The following ZDHHC2 variants were observed in gnomAD, a reference collection of about 807,000 sequenced individuals.
ZDHHC2 encodes the protein zDHHC palmitoyltransferase 2, also known as palmitoyltransferase ZDHHC2.
A neutral mutation model predicts 55.6 loss-of-function variants in ZDHHC2; 51 were observed. The observed-to-expected ratio is 0.92, with a 90% CI of 0.73 to 1.16. ZDHHC2 has a LOEUF of 1.16. Ranked by LOEUF, ZDHHC2 falls within the 50% of genes most tolerant of loss-of-function variation. The pLI is 0.00. For synonymous variants in ZDHHC2, 199 were observed against 152.9 expected (o/e 1.30, Z -2.22); for missense variants, 491 against 442.4 (o/e 1.11, Z -0.99).
chr8:17,181,058 C>G (rs1205675903), intron 1 of ZDHHC2, among the ~76,000 whole-genome samples: 3 of 152,184 alleles, frequency 2.0e-5, no homozygotes, highest in Non-Finnish European at 2.9e-5. Context: ...GAAGAGATTA[C>G]TTTCGCTTTT....
At chr8:17,177,112 T>G (rs1415218664) in intron 1 of ZDHHC2, among the ~76,000 whole-genome samples, 1 of 152,174 alleles carries the variant, frequency 6.6e-6, no homozygotes, top group Non-Finnish European at 1.5e-5. Flanking sequence ...CCTGGCCAAT[T>G]TTGTCAAAGA....
intron 1 of ZDHHC2, among the ~76,000 whole-genome samples, chr8:17,172,329 G>C (rs980423796): frequency 2.6e-5 from 4 of 152,186 alleles, no homozygotes; most frequent in African/African-American, 9.6e-5. Context: ...TCGTCTCAAA[G>C]TGTGGCGTTT....
intron 1 of ZDHHC2, among the ~76,000 whole-genome samples, chr8:17,161,904 A>G (rs759118942): frequency 6.6e-6 from 1 of 152,220 alleles, no homozygotes; most frequent in African/African-American, 2.4e-5. Flanking sequence ...GTTGTTGGCA[A>G]TATGATTCAA....
intron 3 of ZDHHC2, among the ~76,000 whole-genome samples, chr8:17,192,208 A>G (rs1806070909): frequency 6.6e-6 from 1 of 151,822 alleles, no homozygotes. Flanking sequence ...CTGGCCTCAG[A>G]CTCCTGGGCT....
chr8:17,191,974 C>T (rs1806054393), intron 3 of ZDHHC2, among the ~76,000 whole-genome samples: 1 of 151,994 alleles, frequency 6.6e-6, no homozygotes, highest in South Asian at 2.1e-4. Context: ...TTTGTTATTG[C>T]CTTTATTTTA....
intron 6 of ZDHHC2, among the ~76,000 whole-genome samples, chr8:17,199,488 T>TTCTTCGTCTTCGTCTTCG (rs1554465933): frequency 6.3e-5 from 2 of 31,882 alleles, no homozygotes; most frequent in African/African-American, 1.4e-4. Flanking sequence ...CTTCTTCTTC[T>TTCTTCGTCTTCGTCTTCG]TCTTCTTCTT....
At position 17,217,229 on chromosome 8, in the gene ZDHHC2, A is replaced by C. The variant is rs773760871; in HGVS notation, c.*17A>C. The C allele has an allele frequency of 1.2e-6, 2 of 1,606,122 alleles. No homozygotes were observed. Among genetic ancestry groups the C allele is most frequent in the Admixed American group, 1.7e-5 (1 of 59,056 alleles). On this transcript the variant is annotated 3_prime_UTR_variant, in exon 12 of 13. Coordinates refer to ENST00000262096, the MANE Select transcript of ZDHHC2 (RefSeq NM_016353.5). ...GAGACTTAACTCTTCAAGCAAGATA[A>C]ATTCATACTTTATAAAAGTACGATA...
intron 3 of ZDHHC2, among the ~76,000 whole-genome samples, chr8:17,193,699 T>G (rs1806155911): frequency 6.6e-6 from 1 of 152,240 alleles, no homozygotes; most frequent in Non-Finnish European, 1.5e-5. Flanking sequence ...CAAAAACCTT[T>G]TAGTGTTTTT....
chr8:17,194,914 T>A (rs1417298344), intron 3 of ZDHHC2, among the ~76,000 whole-genome samples: 2 of 152,206 alleles, frequency 1.3e-5, no homozygotes, highest in Non-Finnish European at 2.9e-5. Flanking sequence ...GTGGAAGATA[T>A]GTATTTATAT....
At chr8:17,183,420 A>T (rs1007521906) in intron 1 of ZDHHC2, among the ~76,000 whole-genome samples, 9 of 152,198 alleles carry the variant, frequency 5.9e-5, no homozygotes, top group African/African-American at 2.2e-4. Flanking sequence ...TGCTTCAGGG[A>T]TTCTATGAGA....
intron 12 of ZDHHC2, 91 bp from the exon 13 acceptor site, chr8:17,220,165 G>A (rs1001377202): frequency 1.3e-5 from 2 of 152,168 alleles, no homozygotes; most frequent in Admixed American, 1.3e-4. Context: ...TTGAATGAGG[G>A]ATATTATTGA....
intron 12 of ZDHHC2, among the ~76,000 whole-genome samples, chr8:17,219,252 T>TAAAAAAAAAAAAAAAAAAAAAAA (rs71212684): frequency 2.0e-5 from 1 of 49,560 alleles, no homozygotes; most frequent in Non-Finnish European, 3.3e-5. Flanking sequence ...AGCAAGACTC[T>TAAAAAAAAAAAAAAAAAAAAAAA]AAAAAAAAAA....
intron 1 of ZDHHC2, among the ~76,000 whole-genome samples, chr8:17,160,730 G>A (rs1228640024): frequency 6.6e-6 from 1 of 152,208 alleles, no homozygotes; most frequent in Non-Finnish European, 1.5e-5. Context: ...GATTTAAAGG[G>A]CTTTGTAGTT....
chr8:17,161,013 G>A (rs1804317961), intron 1 of ZDHHC2, among the ~76,000 whole-genome samples: 1 of 152,202 alleles, frequency 6.6e-6, no homozygotes, highest in African/African-American at 2.4e-5. Flanking sequence ...ATTGCAGCCT[G>A]TTATATTCCA....
At position 17,224,790 on chromosome 8, in the gene ZDHHC2, C is replaced by CAA. The variant is rs1210084040; in HGVS notation, c.*4571_*4572dup. 9 of 151,688 alleles carry CAA rather than the reference C, an allele frequency of 5.9e-5. No homozygotes were observed. Among genetic ancestry groups the CAA allele is most frequent in the African/African-American group, 2.2e-4 (9 of 41,382 alleles). 9.4% of individuals were successfully genotyped at this position (151,688 alleles called of 1,614,324 possible). On this transcript the variant is annotated 3_prime_UTR_variant, in exon 13 of 13. Coordinates refer to ENST00000262096, the MANE Select transcript of ZDHHC2 (RefSeq NM_016353.5). ...TTGAAAACATCTTAAATGAACTAAT[C>CAA]AAACACTTATTGTGTGAAAGCTGAA...
At chr8:17,192,347 T>C (rs1464519906) in intron 3 of ZDHHC2, among the ~76,000 whole-genome samples, 1 of 152,230 alleles carries the variant, frequency 6.6e-6, no homozygotes, top group African/African-American at 2.4e-5. Flanking sequence ...CATTGTAGTT[T>C]TGATTTGCAT....
chr8:17,182,804 C>T (rs1239101201), intron 1 of ZDHHC2, among the ~76,000 whole-genome samples: 1 of 152,126 alleles, frequency 6.6e-6, no homozygotes, highest in East Asian at 1.9e-4. Context: ...CTCTGTTGCC[C>T]AGGCTGGAGC....
At position 17,156,741 on chromosome 8, in the gene ZDHHC2, G is replaced by A. The variant is rs1563426048; in HGVS notation, c.18G>A (p.Pro6=). 4 of 1,491,688 alleles carry A rather than the reference G, an allele frequency of 2.7e-6. No individual in the cohort carries two copies. The highest frequency in any genetic ancestry group is 2.7e-6 in the Non-Finnish European group (3 of 1,119,106). 92.4% of individuals were successfully genotyped at this position (1,491,688 alleles called of 1,614,324 possible). ...GCTGGAAGATGGCGCCCTCGGGCCC[G>A]GGCAGCAGCGCCAGGCGGCGGTGCC... MAPSG[P]GSSARRRCRR... is the part of the protein sequence containing the mutation. Residue 6 remains proline (P), a synonymous_variant, in exon 1 of 13, where the codon CCG becomes CCA. Transcript: ENST00000262096.
Position 17,215,331 on chromosome 8 carries a change from C to G in ZDHHC2, c.1045C>G (p.Pro349Ala), listed in dbSNP as rs1261586571. 8 of 1,584,356 alleles carry G rather than the reference C, an allele frequency of 5.0e-6. No homozygotes were observed. The highest frequency in any genetic ancestry group is 4.6e-5 in the South Asian group (4 of 86,328). ...GTCTTGGACGGAGAGCAGCATAAAC[C>G]CAGGAAAATGCAAAGCTGGTAAGGG... ...SQSWTESSIN[P>A]GKCKAGMSNP... Residue 349 changes from proline to alanine, a missense_variant, in exon 11 of 13, where the codon CCA (proline) becomes GCA (alanine). By Grantham distance (27) the Pro-to-Ala change is conservative. Coordinates refer to ENST00000262096, the MANE Select transcript of ZDHHC2 (RefSeq NM_016353.5).
Sources: gnomAD v4.1 joint callset for allele counts (sites outside exome capture counted in the v4.1 genomes callset) on GRCh38, gnomAD v4.1.1 for gene constraint, MANE v1.5 for transcripts, NCBI Gene and HGNC (gene_info 2026-07-23, HGNC 2026-07-21) for gene names.